SHB: variants seen among roughly 807,000 people sequenced by gnomAD.
The protein encoded by SHB is SH2 domain-containing adapter protein B.
SHB carries 20 observed loss-of-function variants against 52.3 expected under a neutral mutation model. The ratio of observed to expected loss-of-function variants is 0.38; its 90% confidence interval spans 0.27 to 0.56. The LOEUF (loss-of-function observed/expected upper bound fraction) is 0.56, where lower values mean the gene tolerates loss of function less well. Ranked by LOEUF, SHB falls within the 20% of genes least tolerant of loss-of-function variation. The pLI, the probability that SHB is intolerant of heterozygous loss-of-function variation, is 0.71. For missense variants in SHB, 825 were observed against 723.3 expected (o/e 1.14, Z -1.61); for synonymous variants, 397 against 316.5 (o/e 1.25, Z -2.70).
intron 2 of SHB, among the ~76,000 whole-genome samples, chr9:38,009,685 C>CA (rs756549501): frequency 9.9e-5 from 15 of 152,068 alleles, no homozygotes; most frequent in South Asian, 6.2e-4. Context: ...TGAGAAAATA[C>CA]AAAAAAAATC....
intron 2 of SHB, among the ~76,000 whole-genome samples, chr9:38,012,709 G>A (rs1821155959): frequency 6.6e-6 from 1 of 151,334 alleles, no homozygotes; most frequent in South Asian, 2.1e-4. Flanking sequence ...TCCAGCCCAC[G>A]CTCCTCCTGT....
chr9:37,940,181 TCAC>T (rs1048024084), intron 5 of SHB, among the ~76,000 whole-genome samples: 13 of 152,180 alleles, frequency 8.5e-5, no homozygotes, highest in African/African-American at 2.4e-4. Context: ...TGCACCAGAA[TCAC>T]CAAAGCACCA....
intron 2 of SHB, among the ~76,000 whole-genome samples, chr9:38,009,249 G>A (rs1420835313): frequency 6.6e-6 from 1 of 152,248 alleles, no homozygotes; most frequent in Non-Finnish European, 1.5e-5. Context: ...AGCAGAGACA[G>A]CAGCATGCAT....
intron 1 of SHB, among the ~76,000 whole-genome samples, chr9:38,050,346 A>C (rs1010430643): frequency 6.6e-6 from 1 of 152,254 alleles, no homozygotes; most frequent in African/African-American, 2.4e-5. Context: ...AATAGACTTA[A>C]TAATGACAAT....
chr9:38,028,069 G>A (rs1438620874), intron 1 of SHB, among the ~76,000 whole-genome samples: 1 of 152,172 alleles, frequency 6.6e-6, no homozygotes, highest in Non-Finnish European at 1.5e-5. Flanking sequence ...ATTGGAGACT[G>A]CGCAGAATCA....
At chr9:38,017,294 C>T (rs1317816359) in intron 1 of SHB, among the ~76,000 whole-genome samples, 1 of 152,180 alleles carries the variant, frequency 6.6e-6, no homozygotes, top group Non-Finnish European at 1.5e-5. Context: ...TAGCGTTCCT[C>T]TCAACCCTTG....
chr9:37,932,572 A>AG (rs1421043055), intron 5 of SHB, among the ~76,000 whole-genome samples: 1 of 151,970 alleles, frequency 6.6e-6, no homozygotes, highest in African/African-American at 2.4e-5. Context: ...CAAAAAAAAA[A>AG]AAAAAAAAAG....
At chr9:37,994,869 G>A (rs1820929141) in intron 2 of SHB, among the ~76,000 whole-genome samples, 1 of 151,994 alleles carries the variant, frequency 6.6e-6, no homozygotes, top group Admixed American at 6.6e-5. Context: ...ACCTCACCGT[G>A]AAATATTTTT....
intron 2 of SHB, among the ~76,000 whole-genome samples, chr9:37,993,201 T>C (rs1820905081): frequency 6.6e-6 from 1 of 152,190 alleles, no homozygotes. Context: ...GATGAAGTCT[T>C]GTGACCAAGT....
chr9:38,067,409 AGGGCAGGGCC>A (rs1352547487), intron 1 of SHB, among the ~76,000 whole-genome samples: 1 of 151,926 alleles, frequency 6.6e-6, no homozygotes, highest in African/African-American at 2.4e-5. Flanking sequence ...GGGGTGGGGC[AGGGCAGGGCC>A]GGGCAGGGCA....
At chr9:38,028,793 T>C (rs1336698873) in intron 1 of SHB, among the ~76,000 whole-genome samples, 1 of 152,232 alleles carries the variant, frequency 6.6e-6, no homozygotes, top group Non-Finnish European at 1.5e-5. Context: ...TTTTCTAAAA[T>C]ATAACATCAA....
At chr9:37,967,013 G>C (rs1820534858) in intron 3 of SHB, among the ~76,000 whole-genome samples, 2 of 152,154 alleles carry the variant, frequency 1.3e-5, no homozygotes, top group South Asian at 4.1e-4. Flanking sequence ...GCCACACACA[G>C]GATATCAAGG....
intron 5 of SHB, among the ~76,000 whole-genome samples, chr9:37,924,687 C>T (rs539059432): frequency 6.6e-6 from 1 of 152,342 alleles, no homozygotes; most frequent in East Asian, 1.9e-4. Context: ...ACACCCAGTA[C>T]TTCAAGAGCC....
rs73439947 is a variant in SHB, at chr9:38,067,053, G to C, written c.717+876C>G. Among the ~76,000 whole-genome samples, 1,466 of 152,300 alleles carry C rather than the reference G, an allele frequency of 9.6e-3. 32 individuals are homozygous for C. The highest frequency in any genetic ancestry group is 0.029 in the African/African-American group (1,199 of 41,568). On this transcript the variant is annotated intron_variant, in intron 1 of 5. Transcript: ENST00000377707. ...GGGAGGGCTTCACAGGAGTGTGAAG[G>C]GGGAGGAGGGGACCTAGTCTGGCTG...
chr9:37,950,732 G>A (rs1202344870), intron 4 of SHB, among the ~76,000 whole-genome samples: 1 of 152,192 alleles, frequency 6.6e-6, no homozygotes, highest in African/African-American at 2.4e-5. Flanking sequence ...CCTCTCTTGG[G>A]TTGTGGGAAT....
chr9:38,050,797 AT>A (rs1285016117), intron 1 of SHB, among the ~76,000 whole-genome samples: 1 of 152,234 alleles, frequency 6.6e-6, no homozygotes, highest in Non-Finnish European at 1.5e-5. Flanking sequence ...AGAAGAAACC[AT>A]CAAAAGCAAA....
In SHB at chr9:37,967,150, C is replaced by A. The variant is rs112112950; in HGVS notation, c.1054+7472G>T. On this transcript the variant is annotated intron_variant, in intron 3 of 5. Coordinates refer to ENST00000377707, the MANE Select transcript of SHB (RefSeq NM_003028.3). ...ATCTGAGTGACGACAATGAAGTGAA[C>A]CCTACCTTGCAAGGCTCTGTAGGGT... Among the ~76,000 whole-genome samples, 1,385 of 152,282 alleles carry A rather than the reference C, an allele frequency of 9.1e-3. 28 individuals are homozygous for A. Among genetic ancestry groups the A allele is most frequent in the African/African-American group, 0.032 (1,329 of 41,548 alleles).
chr9:37,959,305 C>A (rs141305740), intron 3 of SHB, among the ~76,000 whole-genome samples: 2 of 152,252 alleles, frequency 1.3e-5, no homozygotes, highest in East Asian at 3.9e-4. Flanking sequence ...GACTAGCCTG[C>A]ACTTCTCCAT....
Position 37,916,434 on chromosome 9 carries a change from C to T in SHB, c.*3387G>A, listed in dbSNP as rs1832099768. On this transcript the variant is annotated 3_prime_UTR_variant, in exon 6 of 6. Coordinates refer to ENST00000377707, the MANE Select transcript of SHB (RefSeq NM_003028.3). ...GATATCACCACTTCTGAGACAGCGT[C>T]TGGGGAGCTACCGGAACTTCGTGTT... 6.6e-6 allele frequency among the ~76,000 whole-genome samples: 1 copy of T among 152,362 alleles called. No homozygotes were observed.
Sources: allele counts gnomAD v4.1 joint callset (sites outside exome capture counted in the v4.1 genomes callset), GRCh38; gene constraint gnomAD v4.1.1; transcripts MANE v1.5; gene names NCBI Gene and HGNC (gene_info 2026-07-23, HGNC 2026-07-21).